The following ARFIP1 variants were observed in gnomAD, a reference collection of about 807,000 sequenced individuals.
ARFIP1 encodes arfaptin-1.
ARFIP1 carries 24 observed loss-of-function variants against 42.5 expected under a neutral mutation model. That is an observed-to-expected ratio of 0.57 (90% CI 0.41 to 0.80). The LOEUF is 0.80. Ranked by LOEUF, ARFIP1 falls within the 30% of genes least tolerant of loss-of-function variation. The probability of loss-of-function intolerance (pLI) is 0.00; values close to 1 mark genes in which losing one functional copy is unlikely to be tolerated. For synonymous variants in ARFIP1, 141 were observed against 153.7 expected (o/e 0.92, Z 0.61); for missense variants, 354 against 434.0 (o/e 0.82, Z 1.64).
At chr4:152,853,605 T>G (rs1414969364) in intron 2 of ARFIP1, among the ~76,000 whole-genome samples, 1 of 152,210 alleles carries the variant, frequency 6.6e-6, no homozygotes, top group Non-Finnish European at 1.5e-5. Flanking sequence ...GACTTTAGAC[T>G]TTTTGACTAT....
chr4:152,782,236 G>GTGTT (rs1252527561), intron 1 of ARFIP1, among the ~76,000 whole-genome samples: 7 of 60,550 alleles, frequency 1.2e-4, no homozygotes, highest in Non-Finnish European at 3.2e-4. Context: ...GTGTGTGTGT[G>GTGTT]TGTGTGTGTG....
chr4:152,880,860 C>A (rs896409428), intron 5 of ARFIP1, 103 bp from the exon 6 acceptor site: 3 of 863,360 alleles, frequency 3.5e-6, no homozygotes, highest in Admixed American at 4.7e-5. Context: ...CAGTTTGTTA[C>A]GCTAGCTTGT....
chr4:152,788,518 A>G (rs912863204), intron 1 of ARFIP1, among the ~76,000 whole-genome samples: 1 of 152,052 alleles, frequency 6.6e-6, no homozygotes, highest in Non-Finnish European at 1.5e-5. Flanking sequence ...CATCTCTACC[A>G]AAAATACAAA....
At chr4:152,803,887 A>G (rs1728620541) in intron 1 of ARFIP1, among the ~76,000 whole-genome samples, 1 of 150,070 alleles carries the variant, frequency 6.7e-6, no homozygotes, top group Non-Finnish European at 1.5e-5. Flanking sequence ...TATGGAGATA[A>G]AAGAAACAAC....
At position 152,793,915 on chromosome 4, in the gene ARFIP1, A is replaced by G. The variant is rs536355696; in HGVS notation, c.-10+13689A>G. ...CCATGTTACTCTTCACTATCTCTAC[A>G]GGTTCCTTCTTCCTTTATTCTGGCC... On this transcript the variant is annotated intron_variant, in intron 1 of 8. Transcript: ENST00000353617. Among the ~76,000 whole-genome samples, 14 of 152,256 alleles carry G rather than the reference A, an allele frequency of 9.2e-5. No homozygotes were observed. The East Asian group carries it at 2.7e-3, about 29-fold the overall frequency.
intron 8 of ARFIP1, among the ~76,000 whole-genome samples, chr4:152,908,368 G>A (rs964612998): frequency 6.6e-6 from 1 of 152,200 alleles, no homozygotes; most frequent in Admixed American, 6.5e-5. Flanking sequence ...ACTCACGCCT[G>A]TAATCCCAGT....
intron 8 of ARFIP1, among the ~76,000 whole-genome samples, chr4:152,894,562 G>A (rs1737153278): frequency 6.6e-6 from 1 of 152,158 alleles, no homozygotes; most frequent in African/African-American, 2.4e-5. Context: ...TTCTTGGTGT[G>A]TGCTCCTAGG....
intron 1 of ARFIP1, among the ~76,000 whole-genome samples, chr4:152,789,159 C>T (rs549152492): frequency 1.1e-4 from 16 of 140,882 alleles, no homozygotes; most frequent in African/African-American, 3.2e-4. Context: ...AACGCAATCT[C>T]GGCTCACTGC....
Position 152,822,464 on chromosome 4 carries a change from G to C in ARFIP1, c.-9-7161G>C, listed in dbSNP as rs190284676. Among the ~76,000 whole-genome samples, 4 of 152,270 alleles carry C rather than the reference G, an allele frequency of 2.6e-5. No individual in the cohort carries two copies. In the East Asian group the frequency reaches 7.7e-4, roughly 29 times the overall value. On this transcript the variant is annotated intron_variant, in intron 1 of 8. Coordinates refer to ENST00000353617, the MANE Select transcript of ARFIP1 (RefSeq NM_001025595.3). The stretch of plus-strand genomic sequence containing the variant: ...AGACACAGACAGCAACACAAAAATA[G>C]TTTGGGACTTCAGTACTCCACTGGT...
chr4:152,858,233 A>G (rs945650441), intron 2 of ARFIP1, among the ~76,000 whole-genome samples: 3 of 152,182 alleles, frequency 2.0e-5, no homozygotes, highest in African/African-American at 7.2e-5. Context: ...TGGAGGTTAC[A>G]GTGGGCCCAG....
At chr4:152,889,545 TTGTG>T (rs1211719775) in intron 8 of ARFIP1, among the ~76,000 whole-genome samples, 2 of 120,978 alleles carry the variant, frequency 1.7e-5, no homozygotes, top group Non-Finnish European at 3.4e-5. Context: ...ACACCTATTT[TTGTG>T]TGTGTGTGTA....
intron 8 of ARFIP1, among the ~76,000 whole-genome samples, chr4:152,906,589 G>A (rs948379080): frequency 6.6e-6 from 1 of 152,062 alleles, no homozygotes; most frequent in Non-Finnish European, 1.5e-5. Flanking sequence ...ACCTCACCCA[G>A]GTTATTGCTG....
At chr4:152,801,140 AT>A (rs1728389052) in intron 1 of ARFIP1, among the ~76,000 whole-genome samples, 1 of 152,116 alleles carries the variant, frequency 6.6e-6, no homozygotes, top group Non-Finnish European at 1.5e-5. Context: ...TGTTAAAGAT[AT>A]ACGTAAGTTA....
chr4:152,903,549 A>G (rs573814138), intron 8 of ARFIP1, among the ~76,000 whole-genome samples: 33 of 151,956 alleles, frequency 2.2e-4, no homozygotes, highest in Admixed American at 1.8e-3. Context: ...GGTCCCCTCT[A>G]TACCAGGGAA....
chr4:152,801,011 G>T (rs753939303), intron 1 of ARFIP1, among the ~76,000 whole-genome samples: 1 of 152,072 alleles, frequency 6.6e-6, no homozygotes, highest in Non-Finnish European at 1.5e-5. Context: ...ATTTCATAGG[G>T]TATCTGAAGA....
At position 152,879,548 on chromosome 4, in the gene ARFIP1, G is replaced by A. The variant is rs55995037; in HGVS notation, c.412-1415G>A. The stretch of plus-strand genomic sequence containing the variant: ...CTTTGAAGAACATGATAAAGAGCAA[G>A]TTTTAAAAATTGTAGTACTGGCCAG... On this transcript the variant is annotated intron_variant, in intron 5 of 8. Transcript: ENST00000353617. Among the ~76,000 whole-genome samples the A allele has an allele frequency of 4.4e-3, 673 of 152,268 alleles. 4 individuals carry two copies. Among genetic ancestry groups the A allele is most frequent in the African/African-American group, 0.015 (631 of 41,544 alleles).
chr4:152,864,668 A>G (rs1734171439), intron 3 of ARFIP1, among the ~76,000 whole-genome samples: 1 of 152,206 alleles, frequency 6.6e-6, no homozygotes, highest in South Asian at 2.1e-4. Flanking sequence ...CCAGAAGGAA[A>G]GCAGGTAAGC....
intron 5 of ARFIP1, among the ~76,000 whole-genome samples, chr4:152,877,116 G>A (rs1009603801): frequency 3.3e-5 from 5 of 152,184 alleles, no homozygotes; most frequent in African/African-American, 9.7e-5. Context: ...CCTCCTAGTG[G>A]AGCTATGAGA....
At chr4:152,830,988 C>T (rs1409195387) in intron 2 of ARFIP1, among the ~76,000 whole-genome samples, 1 of 152,158 alleles carries the variant, frequency 6.6e-6, no homozygotes, top group Non-Finnish European at 1.5e-5. Flanking sequence ...AACTTGGTTT[C>T]TGAGCACTTG....
Sources: gnomAD v4.1 joint callset for allele counts (sites outside exome capture counted in the v4.1 genomes callset) on GRCh38, gnomAD v4.1.1 for gene constraint, MANE v1.5 for transcripts, NCBI Gene and HGNC (gene_info 2026-07-23, HGNC 2026-07-21) for gene names.